The following PHF3 variants were observed in gnomAD, a reference collection of about 807,000 sequenced individuals.
The protein encoded by PHF3 is PHD finger protein 3.
In PHF3, 41 loss-of-function variants were observed where a neutral mutation model predicts 178.4. The ratio of observed to expected loss-of-function variants is 0.23; its 90% CI spans 0.18 to 0.30. The LOEUF is 0.30. Ranked by LOEUF, PHF3 falls within the 10% of genes least tolerant of loss-of-function variation. The pLI is 1.00. For missense variants in PHF3, 2,346 were observed against 2,398.1 expected (o/e 0.98, Z 0.45); for synonymous variants, 842 against 800.5 (o/e 1.05, Z -0.88).
At chr6:63,663,349 A>G (rs1242769631) in intron 2 of PHF3, among the ~76,000 whole-genome samples, 2 of 152,104 alleles carry the variant, frequency 1.3e-5, no homozygotes, top group African/African-American at 4.8e-5. Flanking sequence ...TAGAAATAGG[A>G]TAGCTTCTGT....
intron 2 of PHF3, among the ~76,000 whole-genome samples, chr6:63,677,792 T>G (rs1766235980): frequency 6.6e-6 from 1 of 151,930 alleles, no homozygotes; most frequent in Non-Finnish European, 1.5e-5. Context: ...CAGTCTGTTG[T>G]GTTTTTCCTA....
At position 63,685,621 on chromosome 6, in the gene PHF3, G is replaced by A. The variant is rs1010490728; in HGVS notation, c.1899G>A (p.Gln633=). 1 of 1,613,964 alleles carries A rather than the reference G, an allele frequency of 6.2e-7. No homozygotes were observed. The highest frequency in any genetic ancestry group is 8.5e-7 in the Non-Finnish European group (1 of 1,180,024). ...SQKQCHKPQQ[Q]APAMKTNSHV... ...AACAGTGTCATAAGCCTCAGCAACA[G>A]GCCCCAGCAATGAAAACCAATAGTC... Residue 633 remains glutamine, a synonymous_variant, in exon 4 of 16, where the codon CAG becomes CAA. Transcript: ENST00000262043.
chr6:63,664,634 A>G (rs1400025739), intron 2 of PHF3, among the ~76,000 whole-genome samples: 1 of 152,114 alleles, frequency 6.6e-6, no homozygotes, highest in Non-Finnish European at 1.5e-5. Context: ...ATACTTTTCA[A>G]ATTATTAACT....
At position 63,698,615 on chromosome 6, in the gene PHF3, C is replaced by CT. The variant is rs748756406; in HGVS notation, c.2982+13dup. The CT allele has an allele frequency of 1.3e-6, 2 of 1,544,090 alleles. No individual in the cohort carries two copies. On this transcript the variant is annotated intron_variant, in intron 8 of 15. Transcript: ENST00000262043. The stretch of plus-strand genomic sequence containing the variant: ...AGATCCTAAAAACAATGTAAGTATG[C>CT]TTTGTTCATATGTTTATGCTTCCAA...
At chr6:63,698,150 G>C (rs1042213079) in intron 6 of PHF3, 73 bp from the exon 7 acceptor site, 31 of 1,242,484 alleles carry the variant, frequency 2.5e-5, no homozygotes, top group Non-Finnish European at 3.2e-5. Flanking sequence ...AGTTTTGTTT[G>C]TAAACTTATT....
rs139283204 is a variant in PHF3 at position 63,638,076 on chromosome 6, A to G, written c.-26+1926A>G. Among the ~76,000 whole-genome samples the G allele has an allele frequency of 9.9e-4, 151 of 152,288 alleles. 1 individual carries two copies. The highest frequency in any genetic ancestry group is 1.6e-3 in the Non-Finnish European group (109 of 67,994). ...AAAAGTCACCTCTGAGAAGTGGTCT[A>G]TGTAAATGTAGGTAAAAAATTGGTT... On this transcript the variant is annotated intron_variant, in intron 1 of 15. Coordinates refer to ENST00000262043, the MANE Select transcript of PHF3 (RefSeq NM_001370348.2).
chr6:63,670,662 A>G (rs1476446232), intron 2 of PHF3, among the ~76,000 whole-genome samples: 1 of 152,210 alleles, frequency 6.6e-6, no homozygotes, highest in Non-Finnish European at 1.5e-5. Context: ...GGAGGTTCTC[A>G]TCTGTTGAGA....
chr6:63,679,467 CTGTT>C (rs1343994729), intron 2 of PHF3, among the ~76,000 whole-genome samples: 3 of 150,402 alleles, frequency 2.0e-5, no homozygotes, highest in South Asian at 2.1e-4. Flanking sequence ...TTTCCTCTCT[CTGTT>C]TTTTTCCGTT....
rs879219527 is a variant in PHF3 at position 63,698,476 on chromosome 6, A to G, written c.2853A>G (p.Pro951=). 6.2e-7 allele frequency: 1 copy of G among 1,600,396 alleles called. No individual in the cohort carries two copies. Among genetic ancestry groups the G allele is most frequent in the Non-Finnish European group, 8.5e-7 (1 of 1,175,408 alleles). ...TTACAGACTCAAATTTGAAGGTACC[A>G]GAGGAAAAGGCAGCAAAAGTTGCCA... ...KRLTDSNLKV[P]EEKAAKVATK... is the part of the protein sequence containing the mutation. The change falls in exon 8 of 16, where the codon CCA becomes CCG. Residue 951 remains proline (P), a synonymous_variant. Transcript: ENST00000262043.
At chr6:63,682,884 T>TA (rs2149580941) in intron 3 of PHF3, among the ~76,000 whole-genome samples, 1 of 152,220 alleles carries the variant, frequency 6.6e-6, no homozygotes, top group Admixed American at 6.5e-5. Flanking sequence ...TAATAAGTGT[T>TA]AAAATCCTTC....
intron 2 of PHF3, among the ~76,000 whole-genome samples, chr6:63,651,369 T>C (rs1765013544): frequency 6.6e-6 from 1 of 152,132 alleles, no homozygotes. Context: ...TTCTTTTTTT[T>C]CCTTCTTTTT....
At chr6:63,660,112 AAT>A (rs1158670038) in intron 2 of PHF3, among the ~76,000 whole-genome samples, 1 of 152,008 alleles carries the variant, frequency 6.6e-6, no homozygotes, top group Non-Finnish European at 1.5e-5. Context: ...CTGTTTAAAG[AAT>A]ATATGTGTGT....
At chr6:63,668,331 T>G (rs1336576639) in intron 2 of PHF3, among the ~76,000 whole-genome samples, 1 of 152,108 alleles carries the variant, frequency 6.6e-6, no homozygotes, top group Non-Finnish European at 1.5e-5. Context: ...TTTTTTTGGC[T>G]TCCTCCTCCC....
Position 63,721,266 on chromosome 6 carries a change from A to G in PHF3, c.*7558A>G, listed in dbSNP as rs1409954730. 2 of 1,551,828 alleles carry G rather than the reference A, an allele frequency of 1.3e-6. No homozygotes were observed. Among genetic ancestry groups the G allele is most frequent in the African/African-American group, 2.7e-5 (2 of 73,044 alleles). On this transcript the variant is annotated 3_prime_UTR_variant, in exon 16 of 16. Transcript: ENST00000262043. ...GTCAGGTATACATAAAGATTGGTGG[A>G]GGCAAAGATTATTCAAACAGGACAC...
intron 1 of PHF3, 90 bp downstream of exon 1, chr6:63,636,240 T>A: frequency 3.2e-6 from 1 of 312,024 alleles, no homozygotes; most frequent in East Asian, 5.0e-5. Context: ...CGCGGGCCTC[T>A]CCGCCCCTCC....
At chr6:63,704,978 G>A (rs1408290658) in intron 11 of PHF3, among the ~76,000 whole-genome samples, 1 of 152,176 alleles carries the variant, frequency 6.6e-6, no homozygotes, top group Non-Finnish European at 1.5e-5. Context: ...TCTAATAGGT[G>A]TATAGTGGTA....
chr6:63,668,028 T>C (rs1479784002), intron 2 of PHF3, among the ~76,000 whole-genome samples: 1 of 152,232 alleles, frequency 6.6e-6, no homozygotes, highest in South Asian at 2.1e-4. Flanking sequence ...ATGAAAATAT[T>C]TATTTCCTCA....
At position 63,670,199 on chromosome 6, in the gene PHF3, C is replaced by T. The variant is rs2149566989; in HGVS notation, c.245-9801C>T. On this transcript the variant is annotated intron_variant, in intron 2 of 15. Transcript: ENST00000262043. ...TTCTCATCTGTGCTTTCTAAACTGT[C>T]ATCCTAATTCTGACTTCTGCATGGG... Among the ~76,000 whole-genome samples, 3 of 152,300 alleles carry T rather than the reference C, an allele frequency of 2.0e-5. No individual in the cohort carries two copies. In the South Asian group the frequency reaches 6.2e-4, roughly 32 times the overall value.
intron 1 of PHF3, 140 bp downstream of exon 1, chr6:63,636,290 A>C (rs1764330703): frequency 4.4e-6 from 1 of 228,808 alleles, no homozygotes; most frequent in East Asian, 8.4e-5. Context: ...CGCAGCCGAG[A>C]GATCGCCTCT....
Sources: gnomAD v4.1 joint callset for allele counts (sites outside exome capture counted in the v4.1 genomes callset) on GRCh38, gnomAD v4.1.1 for gene constraint, MANE v1.5 for transcripts, NCBI Gene and HGNC (gene_info 2026-07-23, HGNC 2026-07-21) for gene names.